The following CDH13 variants were observed in gnomAD, a reference collection of about 807,000 sequenced individuals.
The protein encoded by CDH13 is cadherin-13.
CDH13 carries 24 observed loss-of-function variants against 63.8 expected under a neutral mutation model. That is an observed-to-expected ratio of 0.38 (90% confidence interval 0.27 to 0.53). The LOEUF (loss-of-function observed/expected upper bound fraction) is 0.53, where lower values mean the gene tolerates loss of function less well. Among genes scored for constraint, CDH13 ranks in the 20% least tolerant of loss-of-function variants. The pLI is 0.85. For missense variants in CDH13, 1,049 were observed against 903.1 expected, an observed-to-expected ratio of 1.16 and a Z score of -2.07; for synonymous variants, 503 against 355.3, an observed-to-expected ratio of 1.42 and a Z score of -4.67.
chr16:82,925,116 C>G (rs2042264862), intron 2 of CDH13, among the ~76,000 whole-genome samples: 1 of 152,204 alleles, frequency 6.6e-6, no homozygotes, highest in East Asian at 1.9e-4. Flanking sequence ...GCAAGATTCC[C>G]CTAGTTGAGG....
intron 3 of CDH13, among the ~76,000 whole-genome samples, chr16:83,054,996 T>C (rs896548311): frequency 2.0e-5 from 3 of 152,096 alleles, no homozygotes; most frequent in Non-Finnish European, 4.4e-5. Context: ...TTGTATATTC[T>C]GACCATTTTA....
At chr16:82,748,945 C>A (rs114665228) in intron 1 of CDH13, among the ~76,000 whole-genome samples, 1 of 152,152 alleles carries the variant, frequency 6.6e-6, no homozygotes, top group Non-Finnish European at 1.5e-5. Flanking sequence ...CCGGTCTCAG[C>A]GATTGATCTA....
chr16:82,648,908 A>T (rs1910411994), intron 1 of CDH13, among the ~76,000 whole-genome samples: 3 of 152,238 alleles, frequency 2.0e-5, no homozygotes, highest in Non-Finnish European at 2.9e-5. Context: ...CCAAGGTGAG[A>T]AGTCCAGCTT....
At chr16:83,687,904 T>C (rs1904472254) in intron 10 of CDH13, among the ~76,000 whole-genome samples, 1 of 152,242 alleles carries the variant, frequency 6.6e-6, no homozygotes, top group South Asian at 2.1e-4. Flanking sequence ...TACTCATCTC[T>C]TTGAAAACTA....
intron 6 of CDH13, among the ~76,000 whole-genome samples, chr16:83,357,630 G>A (rs2091081628): frequency 6.6e-6 from 1 of 152,146 alleles, no homozygotes; most frequent in Non-Finnish European, 1.5e-5. Context: ...GGGTACAACT[G>A]GCATCGAGCG....
chr16:83,072,200 G>A (rs969938614), intron 3 of CDH13, among the ~76,000 whole-genome samples: 2 of 152,100 alleles, frequency 1.3e-5, no homozygotes, highest in African/African-American at 2.4e-5. Context: ...TAAACCTTCA[G>A]TGGAAATCCT....
chr16:83,532,011 G>A (rs2075094123), intron 7 of CDH13, among the ~76,000 whole-genome samples: 1 of 152,054 alleles, frequency 6.6e-6, no homozygotes. Context: ...TGAATCATGG[G>A]GGCAGGTCTT....
At chr16:82,907,749 C>G (rs1249611196) in intron 2 of CDH13, among the ~76,000 whole-genome samples, 1 of 152,254 alleles carries the variant, frequency 6.6e-6, no homozygotes. Context: ...TTGCCAAGGA[C>G]TGCTGTAGAT....
intron 7 of CDH13, among the ~76,000 whole-genome samples, chr16:83,531,789 T>G (rs2075089517): frequency 6.6e-6 from 1 of 152,148 alleles, no homozygotes; most frequent in Non-Finnish European, 1.5e-5. Flanking sequence ...GCCACCTTAA[T>G]TTTAGCACAG....
intron 6 of CDH13, among the ~76,000 whole-genome samples, chr16:83,469,930 G>A (rs191131048): frequency 2.0e-5 from 3 of 152,182 alleles, no homozygotes; most frequent in African/African-American, 7.2e-5. Context: ...CCTACAGGCT[G>A]GGAGACTTTT....
intron 3 of CDH13, among the ~76,000 whole-genome samples, chr16:83,109,683 A>G (rs2064217309): frequency 6.6e-6 from 1 of 152,152 alleles, no homozygotes; most frequent in Admixed American, 6.5e-5. Flanking sequence ...GCAGGAGTAC[A>G]TATGTGTATT....
At chr16:82,941,133 G>A (rs960186712) in intron 2 of CDH13, among the ~76,000 whole-genome samples, 2 of 152,156 alleles carry the variant, frequency 1.3e-5, no homozygotes, top group South Asian at 2.1e-4. Flanking sequence ...TCTGAAAGCT[G>A]ACCAGAGTGA....
chr16:83,279,064 C>G (rs1032789576), intron 5 of CDH13, among the ~76,000 whole-genome samples: 8 of 149,708 alleles, frequency 5.3e-5, no homozygotes, highest in Admixed American at 6.6e-5. Context: ...GAATCAACTA[C>G]TTTTGTGCAG....
chr16:83,100,818 CAG>C (rs1400180025), intron 3 of CDH13, among the ~76,000 whole-genome samples: 2 of 152,180 alleles, frequency 1.3e-5, no homozygotes, highest in South Asian at 2.1e-4. Context: ...TTGCAGAACA[CAG>C]GGTAAATTTC....
At chr16:83,574,548 G>A (rs1442583189) in intron 7 of CDH13, among the ~76,000 whole-genome samples, 1 of 152,140 alleles carries the variant, frequency 6.6e-6, no homozygotes, top group Non-Finnish European at 1.5e-5. Flanking sequence ...TCAAATCTTG[G>A]CCTCACCACT....
chr16:83,305,028 C>T (rs13337731), intron 5 of CDH13, among the ~76,000 whole-genome samples: 4,282 of 152,250 alleles, frequency 0.028, 87 homozygotes, highest in Non-Finnish European at 0.044. Flanking sequence ...CCCCACAGAC[C>T]GGGAAGCTTT....
At chr16:83,014,830 GTATATATATTTGTATATATATATTTGTA>G (rs1188634243) in intron 2 of CDH13, among the ~76,000 whole-genome samples, 109 of 95,214 alleles carry the variant, frequency 1.1e-3, no homozygotes, top group African/African-American at 2.5e-3. Context: ...ATATATATTT[GTATATATATTTGTATATATATATTTGTA>G]TATATATATG....
chr16:82,727,678 G>A (rs942223715), intron 1 of CDH13: 1 of 152,126 alleles, frequency 6.6e-6, no homozygotes, highest in Non-Finnish European at 1.5e-5. Context: ...GATTCTGGAG[G>A]TACTTATATT....
rs559749473 is a variant in CDH13 at position 83,311,976 on chromosome 16, G to A, written c.637-32886G>A. On this transcript the variant is annotated intron_variant, in intron 5 of 13. Coordinates refer to ENST00000567109, the MANE Select transcript of CDH13 (RefSeq NM_001257.5). ...GTAATCCCAGCTCTCGGGAGGCTGCGGCAGGAGAATCACTTGAACCCGGGA... is the reference window on the plus strand; with the variant it reads ...GTAATCCCAGCTCTCGGGAGGCTGCAGCAGGAGAATCACTTGAACCCGGGA... Among the ~76,000 whole-genome samples, 208 of 151,576 alleles carry A rather than the reference G, an allele frequency of 1.4e-3. 1 individual carries two copies. The Middle Eastern group carries it at 0.02, about 15-fold the overall frequency.
Sources: allele counts gnomAD v4.1 joint callset (sites outside exome capture counted in the v4.1 genomes callset), GRCh38; gene constraint gnomAD v4.1.1; transcripts MANE v1.5; gene names NCBI Gene and HGNC (gene_info 2026-07-23, HGNC 2026-07-21).